MALRD1: variants seen among roughly 807,000 people sequenced by gnomAD.
MALRD1 encodes the protein MAM and LDL-receptor class A domain-containing protein 1.
Under a neutral mutation model 242.1 loss-of-function variants are expected in MALRD1, and 247 were observed. That is an observed-to-expected ratio of 1.02 (90% confidence interval 0.92 to 1.13). The LOEUF is 1.13. Among genes scored for constraint, MALRD1 ranks in the 50% most tolerant of loss-of-function variants. The probability of loss-of-function intolerance (pLI) is 0.00; values close to 1 mark genes in which losing one functional copy is unlikely to be tolerated. For missense variants in MALRD1, 2,989 were observed against 2,533.1 expected, an observed-to-expected ratio of 1.18 and a Z score of -3.86; for synonymous variants, 995 against 866.6, an observed-to-expected ratio of 1.15 and a Z score of -2.60.
chr10:19,154,099 C>T (rs778200376), intron 11 of MALRD1, among the ~76,000 whole-genome samples: 1 of 152,124 alleles, frequency 6.6e-6, no homozygotes, highest in Non-Finnish European at 1.5e-5. Context: ...TGCACTGTTT[C>T]CATTACCTGT....
At chr10:19,224,250 C>T (rs185999194) in intron 18 of MALRD1, among the ~76,000 whole-genome samples, 21 of 150,652 alleles carry the variant, frequency 1.4e-4, no homozygotes, top group Admixed American at 4.0e-4. Flanking sequence ...CTAACTGGCG[C>T]GAGATGGTAT....
intron 36 of MALRD1, among the ~76,000 whole-genome samples, chr10:19,630,708 GAGA>G (rs1225590407): frequency 6.6e-6 from 1 of 152,006 alleles, no homozygotes; most frequent in Admixed American, 6.6e-5. Context: ...ATGGTGTCAA[GAGA>G]ACACAAATTA....
At chr10:19,298,439 G>T (rs1841806944) in intron 21 of MALRD1, among the ~76,000 whole-genome samples, 1 of 151,696 alleles carries the variant, frequency 6.6e-6, no homozygotes, top group South Asian at 2.1e-4. Flanking sequence ...AGAACTGATA[G>T]GAAAGACAAG....
intron 18 of MALRD1, among the ~76,000 whole-genome samples, chr10:19,212,544 C>T (rs931453441): frequency 6.6e-6 from 1 of 152,128 alleles, no homozygotes; most frequent in Admixed American, 6.5e-5. Flanking sequence ...AATACATGTG[C>T]TATGAACATT....
chr10:19,128,379 A>G lies in MALRD1; in HGVS notation c.1102A>G (p.Asn368Asp). 1 of 1,232,840 alleles carries G rather than the reference A, an allele frequency of 8.1e-7. No individual in the cohort carries two copies. The allele number at this position is 1,232,840 out of a possible 1,614,324, so 76.4% of individuals were successfully genotyped here. Residue 368 changes from asparagine (N) to aspartate (D), a missense_variant, in exon 8 of 40, where the codon AAT becomes GAT. By Grantham distance (23) the Asn-to-Asp change is conservative (BLOSUM62 1). Transcript: ENST00000454679. Reference protein sequence around the residue: ...ESSVLRVRLYNNKEEEIFWTY... With the variant: ...ESSVLRVRLYDNKEEEIFWTY... ...CAGTGTCCTGAGAGTAAGACTGTAT[A>G]ATAATAAGGTAAGAAGAAAGTTGCA...
intron 35 of MALRD1, among the ~76,000 whole-genome samples, chr10:19,612,164 A>T (rs1323316836): frequency 6.6e-6 from 1 of 151,996 alleles, no homozygotes; most frequent in East Asian, 1.9e-4. Flanking sequence ...AAAAATAACC[A>T]TAAAACAGCT....
intron 34 of MALRD1, among the ~76,000 whole-genome samples, chr10:19,596,503 G>A (rs559499202): frequency 4.6e-5 from 7 of 152,218 alleles, no homozygotes; most frequent in African/African-American, 1.7e-4. Context: ...GCCGAGATCG[G>A]AGGATCCCTT....
At chr10:19,474,704 C>A (rs1039168055) in intron 29 of MALRD1, among the ~76,000 whole-genome samples, 1 of 151,838 alleles carries the variant, frequency 6.6e-6, no homozygotes, top group South Asian at 2.1e-4. Context: ...GCATTTTGTT[C>A]TTAAAAGAAT....
chr10:19,662,392 T>C (rs1473586382), intron 36 of MALRD1, among the ~76,000 whole-genome samples: 1 of 152,164 alleles, frequency 6.6e-6, no homozygotes, highest in African/African-American at 2.4e-5. Flanking sequence ...GAACAGCAGG[T>C]TGCAGAAGCA....
At chr10:19,231,805 G>A (rs1329176433) in intron 18 of MALRD1, among the ~76,000 whole-genome samples, 7 of 151,554 alleles carry the variant, frequency 4.6e-5, no homozygotes, top group Non-Finnish European at 1.0e-4. Flanking sequence ...TGTTCTGTAA[G>A]CCCAAGTCGG....
At chr10:19,627,033 T>G (rs1210460975) in intron 36 of MALRD1, among the ~76,000 whole-genome samples, 1 of 152,082 alleles carries the variant, frequency 6.6e-6, no homozygotes, top group African/African-American at 2.4e-5. Context: ...GAATAAAAAG[T>G]CTACAAATAG....
chr10:19,061,584 A>G (rs1292452545), intron 1 of MALRD1, among the ~76,000 whole-genome samples: 1 of 152,204 alleles, frequency 6.6e-6, no homozygotes, highest in Non-Finnish European at 1.5e-5. Context: ...GTATTGACAT[A>G]AAGACAGCCA....
chr10:19,083,542 T>C (rs952265279), intron 2 of MALRD1, among the ~76,000 whole-genome samples: 3 of 152,022 alleles, frequency 2.0e-5, no homozygotes, highest in African/African-American at 7.2e-5. Context: ...ACAAACCCCT[T>C]ATGTAGAAAA....
At chr10:19,573,596 G>GA (rs1230682533) in intron 33 of MALRD1, among the ~76,000 whole-genome samples, 4 of 151,640 alleles carry the variant, frequency 2.6e-5, no homozygotes, top group East Asian at 1.9e-4. Flanking sequence ...CCCTAAAAAA[G>GA]AAAAAATTTT....
At chr10:19,223,197 G>T (rs1318639467) in intron 18 of MALRD1, among the ~76,000 whole-genome samples, 5 of 151,874 alleles carry the variant, frequency 3.3e-5, no homozygotes, top group Admixed American at 3.3e-4. Flanking sequence ...ATTATTATTC[G>T]AGGGCCTCCC....
chr10:19,385,326 T>C (rs966321975), intron 26 of MALRD1, among the ~76,000 whole-genome samples: 5 of 152,076 alleles, frequency 3.3e-5, no homozygotes. Context: ...TTAATGGCAA[T>C]TCTTCTCTGA....
chr10:19,415,429 T>A (rs1833477989), intron 28 of MALRD1, among the ~76,000 whole-genome samples: 1 of 152,186 alleles, frequency 6.6e-6, no homozygotes, highest in African/African-American at 2.4e-5. Flanking sequence ...TAATTTTTTA[T>A]TTGTTGTTAA....
At chr10:19,424,453 C>A (rs567605750) in intron 28 of MALRD1, among the ~76,000 whole-genome samples, 1 of 152,302 alleles carries the variant, frequency 6.6e-6, no homozygotes, top group South Asian at 2.1e-4. Flanking sequence ...AGCCACCATG[C>A]CCAGCTGCTA....
chr10:19,121,918 C>T (rs879488756), intron 5 of MALRD1, among the ~76,000 whole-genome samples: 15 of 152,188 alleles, frequency 9.9e-5, no homozygotes, highest in Non-Finnish European at 1.6e-4. Context: ...TCTAGGAAAG[C>T]GGAAAAGGAA....
Sources: allele counts gnomAD v4.1 joint callset (sites outside exome capture counted in the v4.1 genomes callset), GRCh38; gene constraint gnomAD v4.1.1; transcripts MANE v1.5; gene names NCBI Gene and HGNC (gene_info 2026-07-23, HGNC 2026-07-21).